Variants in SVIL observed in about 807,000 individuals in gnomAD.
SVIL encodes the protein archvillin.
A neutral mutation model predicts 240.4 loss-of-function variants in SVIL; 101 were observed. The ratio of observed to expected loss-of-function variants is 0.42; its 90% CI spans 0.36 to 0.50. The LOEUF (loss-of-function observed/expected upper bound fraction) is 0.50. SVIL is among the 20% of genes least tolerant of loss of function. SVIL has a pLI of 0.01. For synonymous variants in SVIL, 999 were observed against 1,100.0 expected (o/e 0.91, Z 1.82); for missense variants, 2,512 against 2,818.7 (o/e 0.89, Z 2.46).
At chr10:29,631,449 C>T (rs926025150) in intron 1 of SVIL, among the ~76,000 whole-genome samples, 1 of 151,302 alleles carries the variant, frequency 6.6e-6, no homozygotes, top group Non-Finnish European at 1.5e-5. Context: ...CGAGACCAGC[C>T]TGACCAACAT....
At position 29,458,061 on chromosome 10, in the gene SVIL, C is replaced by G; in HGVS notation, c.*186G>C. On this transcript the variant is annotated 3_prime_UTR_variant, in exon 38 of 38. Coordinates refer to ENST00000355867, the MANE Select transcript of SVIL (RefSeq NM_021738.3). The stretch of plus-strand genomic sequence containing the variant: ...TGAATGGTGGAAAGAAGTTTCCAAA[C>G]AGTTCCCTTGAACATTTACAAAATA... The G allele has an allele frequency of 1.7e-6, 1 of 594,046 alleles. No individual in the cohort carries two copies. Among genetic ancestry groups the G allele is most frequent in the Non-Finnish European group, 2.9e-6 (1 of 349,668 alleles). The allele number at this position is 594,046 out of a possible 1,614,324, so 36.8% of individuals were successfully genotyped here.
At chr10:29,599,677 C>T (rs201457259) in intron 1 of SVIL, among the ~76,000 whole-genome samples, 1 of 152,056 alleles carries the variant, frequency 6.6e-6, no homozygotes, top group Non-Finnish European at 1.5e-5. Context: ...TTGGCCTCCC[C>T]AAGTGCTGGG....
Position 29,486,412 on chromosome 10 carries a change from T to G in SVIL, c.4631A>C (p.Gln1544Pro). 1 of 1,614,168 alleles carries G rather than the reference T, an allele frequency of 6.2e-7. No homozygotes were observed. The highest frequency in any genetic ancestry group is 8.5e-7 in the Non-Finnish European group (1 of 1,180,032). ...TCTGAAGTACAATGAAGTCTTACAT[T>G]GGTAACTGGTTTGGCCACCCAGAAG... Reference protein sequence around the residue: ...WKLLGGQTSYQSAGDPKEDEL... With the variant: ...WKLLGGQTSYPSAGDPKEDEL... Residue 1544 changes from glutamine (Q) to proline (P), a missense_variant and splice_region_variant, in exon 25 of 38, where the codon CAA becomes CCA. By Grantham distance (76) the Gln-to-Pro change is moderately conservative. Coordinates refer to ENST00000355867, the MANE Select transcript of SVIL (RefSeq NM_021738.3).
intron 2 of SVIL, among the ~76,000 whole-genome samples, chr10:29,671,878 C>A (rs974521741): frequency 3.3e-5 from 5 of 152,204 alleles, no homozygotes; most frequent in African/African-American, 1.2e-4. Context: ...TCTCAGAGGT[C>A]TGTAAAATAT....
chr10:29,499,590 T>C lies in SVIL; in HGVS notation c.3517-327A>G, dbSNP rs59747676. Among the ~76,000 whole-genome samples, 728 of 152,116 alleles carry C rather than the reference T, an allele frequency of 4.8e-3. 8 individuals carry two copies. Among genetic ancestry groups the C allele is most frequent in the African/African-American group, 0.017 (684 of 41,432 alleles). ...TTTTCATGCCCTGGACTCTACAGGG[T>C]TTTAAAGTTTCTCTGTCTTAACCCA... is the stretch of plus-strand genomic sequence containing the variant. On this transcript the variant is annotated intron_variant, in intron 17 of 37. Coordinates refer to ENST00000355867, the MANE Select transcript of SVIL (RefSeq NM_021738.3).
chr10:29,689,009 G>C, intron 1 of SVIL, among the ~76,000 whole-genome samples: 1 of 152,072 alleles, frequency 6.6e-6, no homozygotes, highest in East Asian at 1.9e-4. Flanking sequence ...AATCATAAAA[G>C]GCACATATAT....
intron 1 of SVIL, among the ~76,000 whole-genome samples, chr10:29,632,209 G>A (rs1200249647): frequency 2.0e-5 from 3 of 152,200 alleles, no homozygotes; most frequent in South Asian, 2.1e-4. Flanking sequence ...TAAATAACTC[G>A]CCGGGTGTGG....
chr10:29,727,726 T>C (rs1244055299), intron 1 of SVIL, among the ~76,000 whole-genome samples: 5 of 139,166 alleles, frequency 3.6e-5, no homozygotes, highest in Non-Finnish European at 6.2e-5. Flanking sequence ...GAAATGTGAA[T>C]TAAGTCGTGA....
At chr10:29,504,589 T>C (rs1320645461) in intron 17 of SVIL, among the ~76,000 whole-genome samples, 1 of 152,148 alleles carries the variant, frequency 6.6e-6, no homozygotes, top group African/African-American at 2.4e-5. Flanking sequence ...CATGGAAATA[T>C]GCTCAACATC....
At chr10:29,483,656 A>C (rs75499462) in intron 27 of SVIL, 1 of 152,296 alleles carries the variant, frequency 6.6e-6, no homozygotes, top group Non-Finnish European at 1.5e-5. Context: ...TTCCTTTGCT[A>C]TACCAAATAA....
chr10:29,458,305 T>C lies in SVIL; in HGVS notation c.6587A>G (p.Tyr2196Cys). The part of the protein sequence containing the change: ...EFALDMTRDE[Y>C]NALPAWKQVN... ...CTGCTTCCAGGCGGGCAGGGCGTTG[T>C]ATTCATCCCTCGTCATGTCTAGTGC... is the stretch of plus-strand genomic sequence containing the variant. Residue 2196 changes from tyrosine (Y) to cysteine (C), a missense_variant, in exon 38 of 38, where the codon TAC becomes TGC. This residue lies in a region of SVIL where 797 missense variants were observed against 925.3 expected (regional missense o/e 0.86). Coordinates refer to ENST00000355867, the MANE Select transcript of SVIL (RefSeq NM_021738.3). 6.2e-7 allele frequency: 1 copy of C among 1,614,250 alleles called. No individual in the cohort carries two copies. Among genetic ancestry groups the C allele is most frequent in the Non-Finnish European group, 8.5e-7 (1 of 1,180,046 alleles).
intron 21 of SVIL, among the ~76,000 whole-genome samples, 196 bp downstream of exon 21, chr10:29,493,018 G>T (rs1948111676): frequency 6.6e-6 from 1 of 152,110 alleles, no homozygotes; most frequent in Non-Finnish European, 1.5e-5. Flanking sequence ...TCTGCCGTCT[G>T]CATGTTTTAT....
chr10:29,467,905 A>T (rs551791698), intron 32 of SVIL, 30 bp from the exon 33 acceptor site: 10 of 1,613,464 alleles, frequency 6.2e-6, no homozygotes, highest in Non-Finnish European at 7.6e-6. Flanking sequence ...AGAGTTCTTT[A>T]TAAGTCTGGA....
intron 3 of SVIL, among the ~76,000 whole-genome samples, chr10:29,654,675 T>A (rs1209804255): frequency 1.3e-5 from 2 of 151,956 alleles, no homozygotes; most frequent in Non-Finnish European, 2.9e-5. Flanking sequence ...GGCTGAGAAG[T>A]CCCACAACCG....
rs576756552 is a variant in SVIL, at chr10:29,484,424, G to A, written c.4955+232C>T. Among the ~76,000 whole-genome samples the A allele has an allele frequency of 5.9e-5, 9 of 152,284 alleles. No homozygotes were observed. Among genetic ancestry groups the A allele is most frequent in the Middle Eastern group, 3.4e-3 (1 of 292 alleles). Reference sequence around the variant, plus strand: ...TTGCAGCATTTCTTGCTCACTTCAAGAAATCAACTATAACAAACCTCTTCC... The same window carrying A: ...TTGCAGCATTTCTTGCTCACTTCAAAAAATCAACTATAACAAACCTCTTCC... On this transcript the variant is annotated intron_variant, in intron 27 of 37. Transcript: ENST00000355867. The surrounding 1 kb of genome is among the most constrained non-coding windows in gnomAD (Gnocchi z 4.7).
intron 1 of SVIL, among the ~76,000 whole-genome samples, chr10:29,620,743 T>A (rs572885352): frequency 6.6e-6 from 1 of 152,062 alleles, no homozygotes; most frequent in Non-Finnish European, 1.5e-5. Flanking sequence ...CTCAGCCTCC[T>A]GAGTAGCTGG....
Position 29,645,917 on chromosome 10 carries a change from C to T in SVIL, c.-201+12052G>A, listed in dbSNP as rs570792253. 2.4e-4 allele frequency among the ~76,000 whole-genome samples: 36 copies of T among 152,294 alleles called. 1 individual carries two copies. The South Asian group carries it at 4.6e-3, about 19-fold the overall frequency. ...AAGAGAGAAAATAAATAAGCAAATA[C>T]GTTTTCAAACAACTATAGTTATTCA... On this transcript the variant is annotated intron_variant, in intron 3 of 35. Coordinates refer to the SVIL transcript ENST00000375400.
At chr10:29,729,069 T>C (rs889141655) in intron 1 of SVIL, among the ~76,000 whole-genome samples, 1 of 152,102 alleles carries the variant, frequency 6.6e-6, no homozygotes, top group East Asian at 1.9e-4. Flanking sequence ...AGTGGTACTA[T>C]GGCTGCATAA....
chr10:29,696,186 G>A (rs1239140989), intron 1 of SVIL, among the ~76,000 whole-genome samples: 1 of 151,868 alleles, frequency 6.6e-6, no homozygotes, highest in Non-Finnish European at 1.5e-5. Context: ...GCTCCTAGCC[G>A]CGAGTGTTCC....
Sources: gnomAD v4.1 joint callset for allele counts (sites outside exome capture counted in the v4.1 genomes callset) on GRCh38, gnomAD v4.1.1 for gene constraint, gnomAD v4.1.1 regional missense constraint, Gnocchi (gnomAD v3.1) non-coding constraint, MANE v1.5 for transcripts, NCBI Gene and HGNC (gene_info 2026-07-23, HGNC 2026-07-21) for gene names.